AGBL4: variants seen among roughly 807,000 people sequenced by gnomAD.
AGBL4 encodes cytosolic carboxypeptidase 6.
AGBL4 carries 58 observed loss-of-function variants against 66.4 expected under a neutral mutation model. That is an observed-to-expected ratio of 0.87 (90% CI 0.71 to 1.09). AGBL4 has a LOEUF of 1.09. AGBL4 is among the 50% of genes least tolerant of loss of function. AGBL4 has a pLI of 0.00. For missense variants in AGBL4, 579 were observed against 631.0 expected (o/e 0.92, Z 0.88); for synonymous variants, 234 against 222.9 (o/e 1.05, Z -0.44).
intron 1 of AGBL4, among the ~76,000 whole-genome samples, chr1:49,892,992 T>C (rs1314213135): frequency 1.3e-5 from 2 of 152,116 alleles, no homozygotes; most frequent in Non-Finnish European, 2.9e-5. Context: ...TTAGAAATAG[T>C]ATAAATAGAA....
At chr1:49,344,550 A>T (rs12143817) in intron 3 of AGBL4, among the ~76,000 whole-genome samples, 11,897 of 152,174 alleles carry the variant, frequency 0.078, 684 homozygotes, top group East Asian at 0.16. Context: ...CATACTGGCT[A>T]AAGTTAAAGG....
chr1:48,725,934 C>T (rs551502840), intron 6 of AGBL4, among the ~76,000 whole-genome samples: 14 of 152,272 alleles, frequency 9.2e-5, no homozygotes, highest in Admixed American at 3.3e-4. Flanking sequence ...AGGATAATAA[C>T]GAACATCTGC....
chr1:49,827,938 T>C (rs529174479), intron 2 of AGBL4, among the ~76,000 whole-genome samples: 1 of 152,332 alleles, frequency 6.6e-6, no homozygotes, highest in South Asian at 2.1e-4. Context: ...ATTTCTAAGA[T>C]AGCAGGGACA....
chr1:49,877,801 G>T (rs1480854281), intron 1 of AGBL4, among the ~76,000 whole-genome samples: 2 of 150,772 alleles, frequency 1.3e-5, no homozygotes, highest in African/African-American at 2.4e-5. Flanking sequence ...GACTCTTTTT[G>T]GTTGGTAAAC....
At chr1:49,652,028 T>C (rs1045772721) in intron 3 of AGBL4, among the ~76,000 whole-genome samples, 7 of 152,122 alleles carry the variant, frequency 4.6e-5, no homozygotes, top group Non-Finnish European at 8.8e-5. Flanking sequence ...AATGAAAAAT[T>C]CACTGAATTA....
intron 3 of AGBL4, among the ~76,000 whole-genome samples, chr1:49,256,236 T>C (rs567720991): frequency 6.6e-6 from 1 of 152,206 alleles, no homozygotes; most frequent in East Asian, 1.9e-4. Context: ...ATTACCCTGA[T>C]TAGATCATTA....
chr1:49,399,763 G>T (rs1412267779), intron 3 of AGBL4, among the ~76,000 whole-genome samples: 1 of 152,024 alleles, frequency 6.6e-6, no homozygotes, highest in African/African-American at 2.4e-5. Context: ...TGTCAGATGG[G>T]TAGTTGAAAA....
chr1:49,151,393 G>T (rs1172386514), intron 4 of AGBL4, among the ~76,000 whole-genome samples: 2 of 151,486 alleles, frequency 1.3e-5, no homozygotes, highest in Admixed American at 6.6e-5. Context: ...TCCAATGATA[G>T]TTTAAAAAAT....
intron 3 of AGBL4, among the ~76,000 whole-genome samples, chr1:49,585,284 T>C (rs1644625938): frequency 6.6e-6 from 1 of 152,168 alleles, no homozygotes; most frequent in African/African-American, 2.4e-5. Context: ...GGTGATAGGA[T>C]GGCACTCACA....
intron 4 of AGBL4, among the ~76,000 whole-genome samples, chr1:49,076,892 C>A (rs367923584): frequency 6.6e-6 from 1 of 152,156 alleles, no homozygotes; most frequent in Non-Finnish European, 1.5e-5. Flanking sequence ...TTTTAGTCAA[C>A]AAGCACCAGT....
intron 2 of AGBL4, among the ~76,000 whole-genome samples, chr1:49,802,569 G>A (rs895867551): frequency 6.6e-6 from 1 of 152,104 alleles, no homozygotes; most frequent in Non-Finnish European, 1.5e-5. Flanking sequence ...CTGTACTTCT[G>A]CATACAAATG....
At chr1:50,018,530 T>C (rs1662164080) in intron 1 of AGBL4, among the ~76,000 whole-genome samples, 1 of 152,112 alleles carries the variant, frequency 6.6e-6, no homozygotes, top group Non-Finnish European at 1.5e-5. Flanking sequence ...ATAAAAATAC[T>C]CTGAAACTCA....
chr1:49,545,276 T>G (rs900475212), intron 3 of AGBL4, among the ~76,000 whole-genome samples: 4 of 152,266 alleles, frequency 2.6e-5, no homozygotes, highest in African/African-American at 7.2e-5. Context: ...AGCAAAAAAC[T>G]AAGGGCAGCC....
chr1:48,947,351 C>T (rs529467821), intron 5 of AGBL4, among the ~76,000 whole-genome samples: 3 of 152,304 alleles, frequency 2.0e-5, no homozygotes, highest in East Asian at 3.9e-4. Context: ...TGTTTTATCT[C>T]GAACAGTGCA....
intron 3 of AGBL4, among the ~76,000 whole-genome samples, chr1:49,641,228 A>G (rs1162507728): frequency 6.6e-6 from 1 of 152,100 alleles, no homozygotes; most frequent in Non-Finnish European, 1.5e-5. Context: ...ACAAAGTGAG[A>G]TATGTTTAGG....
intron 2 of AGBL4, chr1:49,842,387 G>T: frequency 3.2e-6 from 2 of 634,796 alleles, no homozygotes; most frequent in Non-Finnish European, 2.4e-6. Context: ...CATGTACCCA[G>T]GTGAGATGGG....
intron 6 of AGBL4, chr1:48,759,063 C>G (rs942566888): frequency 5.6e-6 from 9 of 1,613,540 alleles, no homozygotes; most frequent in Non-Finnish European, 7.6e-6. Flanking sequence ...GCATCTCTTC[C>G]TGTTGCTGCT....
rs558570873 is a variant in AGBL4 at position 49,496,721 on chromosome 1, A to G, written c.282+200592T>C. 6.6e-4 allele frequency among the ~76,000 whole-genome samples: 100 copies of G among 152,096 alleles called. 3 individuals carry two copies. Among genetic ancestry groups the G allele is most frequent in the Admixed American group, 2.0e-3 (30 of 15,254 alleles). On this transcript the variant is annotated intron_variant, in intron 3 of 13. Transcript: ENST00000371839. ...ACAGGATTTCCTTTTTTAAGGCTGAATAGTATTCCATTGTGTATGTATACC... is the reference window on the plus strand; with the variant it reads ...ACAGGATTTCCTTTTTTAAGGCTGAGTAGTATTCCATTGTGTATGTATACC...
chr1:49,969,955 G>A (rs1055402067), intron 1 of AGBL4, among the ~76,000 whole-genome samples: 8 of 152,058 alleles, frequency 5.3e-5, no homozygotes, highest in African/African-American at 1.2e-4. Flanking sequence ...ACACATAAAC[G>A]GTAATTCATC....
Sources: gnomAD v4.1 joint callset for allele counts (sites outside exome capture counted in the v4.1 genomes callset) on GRCh38, gnomAD v4.1.1 for gene constraint, MANE v1.5 for transcripts, NCBI Gene and HGNC (gene_info 2026-07-23, HGNC 2026-07-21) for gene names.